Variants in CSMD1 observed in about 807,000 individuals in gnomAD.
CSMD1 encodes the protein CUB and sushi domain-containing protein 1.
A neutral mutation model predicts 417.5 loss-of-function variants in CSMD1; 213 were observed. The ratio of observed to expected loss-of-function variants is 0.51; its 90% CI spans 0.46 to 0.57. The LOEUF (loss-of-function observed/expected upper bound fraction) is 0.57, where lower values mean the gene tolerates loss of function less well. CSMD1 is among the 20% of genes least tolerant of loss of function. The pLI, the probability that CSMD1 is intolerant of heterozygous loss-of-function variation, is 0.00. For synonymous variants in CSMD1, 2,862 were observed against 1,736.8 expected, an observed-to-expected ratio of 1.65 and a Z score of -16.11; for missense variants, 6,923 against 4,529.7, an observed-to-expected ratio of 1.53 and a Z score of -15.17.
chr8:3,185,222 T>A (rs545457469), intron 36 of CSMD1, among the ~76,000 whole-genome samples: 1 of 152,340 alleles, frequency 6.6e-6, no homozygotes, highest in East Asian at 1.9e-4. Context: ...TCCAGGAAAT[T>A]AGCGTCAGAA....
chr8:3,664,698 C>T lies in CSMD1; in HGVS notation c.1009+43716G>A, dbSNP rs1798594014. Among the ~76,000 whole-genome samples, 4 of 152,188 alleles carry T rather than the reference C, an allele frequency of 2.6e-5. No individual in the cohort carries two copies. In the South Asian group the frequency reaches 8.3e-4, roughly 31 times the overall value. ...ATCAAGAAGCTGAAAAGAGCTGGCC[C>T]ATCATCTTATCGGGATGTTGAATAA... On this transcript the variant is annotated intron_variant, in intron 7 of 69. Coordinates refer to ENST00000635120, the MANE Select transcript of CSMD1 (RefSeq NM_033225.6).
At chr8:3,637,423 G>T (rs991646673) in intron 7 of CSMD1, among the ~76,000 whole-genome samples, 1 of 152,034 alleles carries the variant, frequency 6.6e-6, no homozygotes, top group African/African-American at 2.4e-5. Flanking sequence ...ATTAAATAAT[G>T]TATTTGAATC....
At chr8:3,392,717 G>T (rs1482331590) in intron 17 of CSMD1, among the ~76,000 whole-genome samples, 1 of 152,074 alleles carries the variant, frequency 6.6e-6, no homozygotes, top group Non-Finnish European at 1.5e-5. Flanking sequence ...TGGGCTTGGG[G>T]CTGTACAATT....
In CSMD1 at chr8:3,396,179, G is replaced by C. The variant is rs1447766662; in HGVS notation, c.2593+15C>G. Reference sequence around the variant, plus strand: ...ATGCTGCCCTGCCGGGCTGTCAAGGGAAGGTGCAACTCACTCTCATAGTGG... The same window carrying C: ...ATGCTGCCCTGCCGGGCTGTCAAGGCAAGGTGCAACTCACTCTCATAGTGG... On this transcript the variant is annotated intron_variant, in intron 17 of 69. Transcript: ENST00000635120. 6 of 1,553,352 alleles carry C rather than the reference G, an allele frequency of 3.9e-6. No homozygotes were observed. The highest frequency in any genetic ancestry group is 3.5e-6 in the Non-Finnish European group (4 of 1,148,484).
intron 12 of CSMD1, among the ~76,000 whole-genome samples, chr8:3,444,819 G>C (rs930604480): frequency 4.6e-5 from 7 of 152,114 alleles, no homozygotes. Context: ...TTCTTTTATA[G>C]GAGAACCTCA....
chr8:3,981,212 A>G (rs931203536), intron 5 of CSMD1, among the ~76,000 whole-genome samples: 3 of 152,238 alleles, frequency 2.0e-5, no homozygotes, highest in African/African-American at 7.2e-5. Flanking sequence ...AGTAAAGAAC[A>G]TGCAATTATT....
At chr8:4,243,427 G>C (rs886811723) in intron 3 of CSMD1, among the ~76,000 whole-genome samples, 1 of 152,078 alleles carries the variant, frequency 6.6e-6, no homozygotes, top group Non-Finnish European at 1.5e-5. Flanking sequence ...TTTGCTCCTT[G>C]TTCCCCTGTA....
intron 1 of CSMD1, among the ~76,000 whole-genome samples, chr8:4,968,875 G>A (rs907475464): frequency 6.6e-6 from 1 of 152,142 alleles, no homozygotes; most frequent in African/African-American, 2.4e-5. Flanking sequence ...TACACACAAA[G>A]CATCAGTCTG....
chr8:3,797,710 A>T (rs1466568632), intron 5 of CSMD1, among the ~76,000 whole-genome samples: 1 of 152,010 alleles, frequency 6.6e-6, no homozygotes, highest in Non-Finnish European at 1.5e-5. Context: ...TAATACAAAC[A>T]AAGCTGCTAT....
chr8:3,957,901 C>G (rs1164976713), intron 5 of CSMD1, among the ~76,000 whole-genome samples: 2 of 152,126 alleles, frequency 1.3e-5, no homozygotes, highest in East Asian at 1.9e-4. Context: ...TAATAATCTC[C>G]TTTGTTTGGC....
intron 7 of CSMD1, among the ~76,000 whole-genome samples, chr8:3,676,688 G>A (rs886534691): frequency 6.6e-6 from 1 of 152,112 alleles, no homozygotes; most frequent in Non-Finnish European, 1.5e-5. Flanking sequence ...ATATCTTAAA[G>A]ATGACTGTCC....
intron 2 of CSMD1, among the ~76,000 whole-genome samples, chr8:4,431,397 C>T (rs1797865255): frequency 6.6e-6 from 1 of 152,062 alleles, no homozygotes; most frequent in Non-Finnish European, 1.5e-5. Context: ...GAACCATACG[C>T]ACAAACTTAG....
chr8:3,687,484 C>G (rs940782105), intron 7 of CSMD1, among the ~76,000 whole-genome samples: 2 of 152,204 alleles, frequency 1.3e-5, no homozygotes, highest in African/African-American at 4.8e-5. Flanking sequence ...ACAGTAAGAT[C>G]TATTTACAAA....
At chr8:3,274,030 T>G (rs1213555131) in intron 26 of CSMD1, among the ~76,000 whole-genome samples, 3 of 151,790 alleles carry the variant, frequency 2.0e-5, no homozygotes, top group African/African-American at 7.3e-5. Flanking sequence ...AGGGTGTCAA[T>G]TTTGGATCTT....
At chr8:3,160,302 T>G (rs772281435) in intron 38 of CSMD1, among the ~76,000 whole-genome samples, 1 of 152,116 alleles carries the variant, frequency 6.6e-6, no homozygotes. Flanking sequence ...TTTGTATTTT[T>G]TGTAGAGATG....
chr8:3,060,523 G>C (rs546524962), intron 49 of CSMD1, among the ~76,000 whole-genome samples: 1 of 152,282 alleles, frequency 6.6e-6, no homozygotes, highest in African/African-American at 2.4e-5. Context: ...TATTAGAACA[G>C]ACCACTTACT....
rs538945032 is a variant in CSMD1 at position 4,637,194 on chromosome 8, T to G, written c.302+148A>C. ...CTGGAAAACTCACCCCAAAGGTCTG[T>G]GGCTTCATTCTTGAAGTCAGCGAGG... On this transcript the variant is annotated intron_variant, in intron 2 of 69. Coordinates refer to ENST00000635120, the MANE Select transcript of CSMD1 (RefSeq NM_033225.6). 3 of 616,480 alleles carry G rather than the reference T, an allele frequency of 4.9e-6. No homozygotes were observed. The African/African-American group carries it at 5.7e-5, about 12-fold the overall frequency. The allele number at this position is 616,480 out of a possible 1,614,324, so 38.2% of individuals were successfully genotyped here. A position where few individuals can be genotyped will look rare whatever the true frequency, so the allele number is the denominator to read the frequency against.
At chr8:3,545,655 A>C (rs7816890) in intron 10 of CSMD1, among the ~76,000 whole-genome samples, 4,601 of 152,292 alleles carry the variant, frequency 0.03, 172 homozygotes, top group African/African-American at 0.086. Flanking sequence ...AGCGGTGGAC[A>C]ACTTACAGAC....
intron 3 of CSMD1, among the ~76,000 whole-genome samples, chr8:4,406,072 G>C (rs530161907): frequency 6.6e-6 from 1 of 152,128 alleles, no homozygotes; most frequent in African/African-American, 2.4e-5. Context: ...TTTATTTTTG[G>C]TCTATTAGTA....
Sources: gnomAD v4.1 joint callset for allele counts (sites outside exome capture counted in the v4.1 genomes callset) on GRCh38, gnomAD v4.1.1 for gene constraint, MANE v1.5 for transcripts, NCBI Gene and HGNC (gene_info 2026-07-23, HGNC 2026-07-21) for gene names.